SIPA1L1: variants seen among roughly 807,000 people sequenced by gnomAD.
SIPA1L1 encodes the protein signal-induced proliferation-associated 1-like protein 1.
A neutral mutation model predicts 162.7 loss-of-function variants in SIPA1L1; 26 were observed. That is an observed-to-expected ratio of 0.16 (90% CI 0.12 to 0.22). The LOEUF (loss-of-function observed/expected upper bound fraction) is 0.22. Ranked by LOEUF, SIPA1L1 falls within the 10% of genes least tolerant of loss-of-function variation. The pLI, the probability that SIPA1L1 is intolerant of heterozygous loss-of-function variation, is 1.00. For synonymous variants in SIPA1L1, 829 were observed against 837.4 expected (o/e 0.99, Z 0.17); for missense variants, 1,874 against 2,241.0 (o/e 0.84, Z 3.31).
intron 2 of SIPA1L1, among the ~76,000 whole-genome samples, chr14:71,385,046 C>T (rs1404147504): frequency 2.0e-5 from 3 of 152,152 alleles, no homozygotes; most frequent in African/African-American, 7.2e-5. Flanking sequence ...GAGAGGGTGT[C>T]ATTGTTAAGA....
At chr14:71,344,798 T>C (rs1034407489) in intron 2 of SIPA1L1, among the ~76,000 whole-genome samples, 1 of 152,134 alleles carries the variant, frequency 6.6e-6, no homozygotes, top group Non-Finnish European at 1.5e-5. Context: ...ACTGCTGAGC[T>C]CAAGTGATCC....
chr14:71,384,677 A>C (rs2040176668), intron 2 of SIPA1L1, among the ~76,000 whole-genome samples: 1 of 152,234 alleles, frequency 6.6e-6, no homozygotes, highest in Admixed American at 6.5e-5. Flanking sequence ...AATACTCAAC[A>C]TGCCTTTTTT....
At chr14:71,585,072 T>C (rs2034414217) in intron 4 of SIPA1L1, among the ~76,000 whole-genome samples, 1 of 150,302 alleles carries the variant, frequency 6.7e-6, no homozygotes, top group South Asian at 2.1e-4. Flanking sequence ...TATATTTCCA[T>C]ATATGCTAGT....
chr14:71,730,988 A>G (rs1003518806), intron 20 of SIPA1L1, among the ~76,000 whole-genome samples: 1 of 152,060 alleles, frequency 6.6e-6, no homozygotes, highest in African/African-American at 2.4e-5. Context: ...ACCTCCCCTC[A>G]TAGCTGTGGC....
At position 71,608,229 on chromosome 14, in the gene SIPA1L1, T is replaced by A. The variant is rs576998686; in HGVS notation, c.1499-10528T>A. ...ACATTTAGTCAACAAAGAGGTAGAT[T>A]TTGCTAAGTGTTTGGGACACTGCAT... On this transcript the variant is annotated intron_variant, in intron 5 of 23. Transcript: ENST00000381232. 2.6e-5 allele frequency among the ~76,000 whole-genome samples: 4 copies of A among 152,298 alleles called. No individual in the cohort carries two copies. In the South Asian group the frequency reaches 6.2e-4, roughly 24 times the overall value.
In SIPA1L1 at chr14:71,588,937, G is replaced by T. The variant is rs768797206; in HGVS notation, c.1065G>T (p.Lys355Asn). Residue 355 changes from lysine to asparagine, a missense_variant, in exon 5 of 24, where the codon AAG (lysine) becomes AAT (asparagine). Around this residue, in one of 5 missense-constraint regions of SIPA1L1, gnomAD observed 685 missense variants for 828.0 expected, o/e 0.83. Coordinates refer to ENST00000381232, the MANE Select transcript of SIPA1L1 (RefSeq NM_001386936.1). This position sits in a 1 kb window ranked among gnomAD's most constrained non-coding sequence, Gnocchi z 4.3. ...EAIMNRHNVIKRRNTTTGASA... is the reference protein window; with the variant it reads ...EAIMNRHNVINRRNTTTGASA... ...TTATGAACAGGCACAATGTTATTAA[G>T]AGGAGAAACACCACCACTGGAGCTT... The T allele has an allele frequency of 6.2e-6, 10 of 1,613,974 alleles. No homozygotes were observed. The highest frequency in any genetic ancestry group is 3.3e-5 in the Admixed American group (2 of 59,990).
intron 2 of SIPA1L1, among the ~76,000 whole-genome samples, chr14:71,510,602 G>T (rs2051067519): frequency 6.6e-6 from 1 of 152,012 alleles, no homozygotes; most frequent in Admixed American, 6.6e-5. Flanking sequence ...CTATTGTTTT[G>T]CCTGGGAATT....
chr14:71,592,111 G>A (rs138969303), intron 5 of SIPA1L1, among the ~76,000 whole-genome samples: 43 of 152,292 alleles, frequency 2.8e-4, no homozygotes, highest in African/African-American at 9.6e-4. Context: ...GTGCCATTGG[G>A]TATTTGTCAG....
At chr14:71,502,933 C>T (rs2050375392) in intron 2 of SIPA1L1, among the ~76,000 whole-genome samples, 1 of 152,086 alleles carries the variant, frequency 6.6e-6, no homozygotes, top group African/African-American at 2.4e-5. Flanking sequence ...ATATTATCTC[C>T]ATATTTTATA....
intron 4 of SIPA1L1, among the ~76,000 whole-genome samples, chr14:71,546,378 T>TTC (rs1376135554): frequency 5.4e-4 from 76 of 141,572 alleles, no homozygotes; most frequent in Non-Finnish European, 7.1e-4. Context: ...TTTTCTTTCT[T>TTC]TTTTTTTTTT....
intron 4 of SIPA1L1, among the ~76,000 whole-genome samples, chr14:71,548,488 A>G (rs1021037709): frequency 1.3e-5 from 2 of 152,210 alleles, no homozygotes; most frequent in African/African-American, 4.8e-5. Flanking sequence ...CGTGTGCCTT[A>G]AAAATGTAGT....
At chr14:71,524,391 T>C (rs1279659715) in intron 3 of SIPA1L1, among the ~76,000 whole-genome samples, 1 of 152,254 alleles carries the variant, frequency 6.6e-6, no homozygotes, top group Non-Finnish European at 1.5e-5. Context: ...GTTCCCCTTA[T>C]ATACTGGTTG....
chr14:71,330,588 C>A, intron 2 of SIPA1L1: 1 of 1,100,678 alleles, frequency 9.1e-7, no homozygotes, highest in Non-Finnish European at 1.4e-6. Flanking sequence ...TAAATCCCAA[C>A]TGAGCTTCAG....
intron 2 of SIPA1L1, among the ~76,000 whole-genome samples, chr14:71,340,290 G>T (rs1050524803): frequency 5.9e-5 from 9 of 151,722 alleles, no homozygotes; most frequent in Non-Finnish European, 1.0e-4. Flanking sequence ...CACAGAGTTG[G>T]TGTGTGACCC....
chr14:71,331,460 G>A (rs547305555), intron 2 of SIPA1L1, among the ~76,000 whole-genome samples: 2 of 152,342 alleles, frequency 1.3e-5, no homozygotes, highest in African/African-American at 4.8e-5. Flanking sequence ...ATGGCAGAAC[G>A]TATGAGGCTA....
At chr14:71,488,504 TA>T (rs1002410124) in intron 2 of SIPA1L1, among the ~76,000 whole-genome samples, 51 of 152,290 alleles carry the variant, frequency 3.3e-4, no homozygotes, top group African/African-American at 1.2e-3. Context: ...AAATAATTTT[TA>T]AAAAGCTGTA....
chr14:71,734,224 C>T (rs755634821), intron 21 of SIPA1L1, among the ~76,000 whole-genome samples: 12 of 152,256 alleles, frequency 7.9e-5, no homozygotes, highest in Non-Finnish European at 1.3e-4. Flanking sequence ...CCCCCTTTGC[C>T]GTTCTCCCTC....
At chr14:71,380,714 A>G (rs913438954) in intron 2 of SIPA1L1, among the ~76,000 whole-genome samples, 2 of 152,224 alleles carry the variant, frequency 1.3e-5, no homozygotes, top group African/African-American at 4.8e-5. Flanking sequence ...AAGCAGGGAA[A>G]TGATTCCAAG....
intron 2 of SIPA1L1, among the ~76,000 whole-genome samples, chr14:71,356,567 C>CAAAATAAAAAAAAAAA (rs2037267246): frequency 2.6e-5 from 1 of 39,172 alleles, no homozygotes; most frequent in African/African-American, 1.1e-4. Context: ...CTTGTCTCTA[C>CAAAATAAAAAAAAAAA]AAAAAAAAAA....
Sources: gnomAD v4.1 joint callset for allele counts (sites outside exome capture counted in the v4.1 genomes callset) on GRCh38, gnomAD v4.1.1 for gene constraint, gnomAD v4.1.1 regional missense constraint, Gnocchi (gnomAD v3.1) non-coding constraint, MANE v1.5 for transcripts, NCBI Gene and HGNC (gene_info 2026-07-23, HGNC 2026-07-21) for gene names.